Variants in AASS observed in about 807,000 individuals in gnomAD.
The protein encoded by AASS is aminoadipate-semialdehyde synthase.
A neutral mutation model predicts 105.4 loss-of-function variants in AASS; 86 were observed. The ratio of observed to expected loss-of-function variants is 0.82; its 90% CI spans 0.69 to 0.98. AASS has a LOEUF of 0.98. AASS is among the 50% of genes least tolerant of loss of function. The probability of loss-of-function intolerance (pLI) is 0.00; values close to 1 mark genes in which losing one functional copy is unlikely to be tolerated. For missense variants in AASS, 1,048 were observed against 1,143.2 expected, an observed-to-expected ratio of 0.92 and a Z score of 1.20; for synonymous variants, 381 against 394.8, an observed-to-expected ratio of 0.96 and a Z score of 0.41.
intron 19 of AASS, among the ~76,000 whole-genome samples, chr7:122,083,822 T>C (rs1218135642): frequency 6.6e-6 from 1 of 152,022 alleles, no homozygotes; most frequent in East Asian, 1.9e-4. Context: ...GGTCAAGGCC[T>C]CTCTGTCATA....
intron 21 of AASS, chr7:122,079,324 T>A: frequency 7.4e-7 from 1 of 1,358,902 alleles, no homozygotes; most frequent in Non-Finnish European, 9.5e-7. Flanking sequence ...CTACTCCAAA[T>A]CTCCTACAGG....
At chr7:122,083,711 G>C (rs59993706) in intron 19 of AASS, among the ~76,000 whole-genome samples, 33,934 of 151,906 alleles carry the variant, frequency 0.22, 4,021 homozygotes, top group African/African-American at 0.31. Context: ...GATGGGGCTG[G>C]GTGGTTCAAG....
At chr7:122,125,083 C>A (rs1795597310) in intron 4 of AASS, among the ~76,000 whole-genome samples, 1 of 151,914 alleles carries the variant, frequency 6.6e-6, no homozygotes, top group Admixed American at 6.6e-5. Flanking sequence ...CCACCAACGG[C>A]TAATTTTTGT....
chr7:122,078,020 A>G lies in AASS; in HGVS notation c.2486-6T>C. The G allele has an allele frequency of 6.8e-6, 11 of 1,613,374 alleles. No homozygotes were observed. The highest frequency in any genetic ancestry group is 8.5e-6 in the Non-Finnish European group (10 of 1,179,326). On this transcript the variant is annotated splice_region_variant and splice_polypyrimidine_tract_variant and intron_variant, in intron 22 of 23. Coordinates refer to ENST00000417368, the MANE Select transcript of AASS (RefSeq NM_005763.4). ...CATATCTTTTTCTTCAGGACCTTAAAACAAATAAAGATAAGTAAAAATACC... is the reference window on the plus strand; with the variant it reads ...CATATCTTTTTCTTCAGGACCTTAAGACAAATAAAGATAAGTAAAAATACC...
At chr7:122,122,358 C>A (rs978146783) in intron 4 of AASS, among the ~76,000 whole-genome samples, 7 of 152,156 alleles carry the variant, frequency 4.6e-5, no homozygotes, top group Middle Eastern at 3.4e-3. Context: ...TGAACAAATG[C>A]TCTAATACGT....
Position 122,130,788 on chromosome 7 carries a change from C to G in AASS, c.211-1251G>C, listed in dbSNP as rs1203543432. ...AATTTCTCCCTGGTTTCTTCAAAAA[C>G]AGTCCATTTTCTCATTTGTAGTAGA... On this transcript the variant is annotated intron_variant, in intron 2 of 23. Transcript: ENST00000417368. Among the ~76,000 whole-genome samples the G allele has an allele frequency of 5.3e-5, 8 of 151,928 alleles. No homozygotes were observed. In the East Asian group the frequency reaches 1.5e-3, roughly 29 times the overall value.
chr7:122,078,062 A>C, intron 22 of AASS, 48 bp from the exon 23 acceptor site: 14 of 1,565,034 alleles, frequency 8.9e-6, no homozygotes, highest in East Asian at 2.2e-5. Flanking sequence ...ATTACAACTC[A>C]AATATTGTCT....
At chr7:122,142,810 C>T (rs1044144013) in intron 1 of AASS, among the ~76,000 whole-genome samples, 1 of 152,110 alleles carries the variant, frequency 6.6e-6, no homozygotes, top group Non-Finnish European at 1.5e-5. Flanking sequence ...TAAATGGTGG[C>T]TTCTTAAACA....
chr7:122,080,041 C>T (rs1463714653), intron 20 of AASS, among the ~76,000 whole-genome samples: 1 of 152,114 alleles, frequency 6.6e-6, no homozygotes, highest in African/African-American at 2.4e-5. Flanking sequence ...ATCCATTCTC[C>T]CCCTACCCTC....
At chr7:122,128,206 A>G (rs1380221112) in intron 3 of AASS, among the ~76,000 whole-genome samples, 1 of 152,066 alleles carries the variant, frequency 6.6e-6, no homozygotes, top group Non-Finnish European at 1.5e-5. Context: ...GGCCACCATC[A>G]CTTGTGACTT....
chr7:122,092,032 T>C (rs920995190), intron 17 of AASS, among the ~76,000 whole-genome samples, 189 bp from the exon 18 acceptor site: 6 of 152,050 alleles, frequency 3.9e-5, no homozygotes, highest in African/African-American at 1.4e-4. Context: ...ATTTTATATA[T>C]ATGTTTTTTT....
At chr7:122,112,985 G>C in intron 11 of AASS, 133 bp downstream of exon 11, 1 of 751,006 alleles carries the variant, frequency 1.3e-6, no homozygotes, top group Non-Finnish European at 2.3e-6. Flanking sequence ...GTATCAGTAA[G>C]TATTTCAGGG....
chr7:122,129,631 T>A (rs1347844961), intron 2 of AASS, 94 bp from the exon 3 acceptor site: 13 of 1,148,238 alleles, frequency 1.1e-5, no homozygotes, highest in Non-Finnish European at 1.3e-6. Context: ...AACAAATCTT[T>A]TGAAGGAATA....
chr7:122,076,495 T>C lies in AASS; in HGVS notation c.2775A>G (p.Lys925=). 6.2e-7 allele frequency: 1 copy of C among 1,601,250 alleles called. No individual in the cohort carries two copies. The highest frequency in any genetic ancestry group is 8.6e-7 in the Non-Finnish European group (1 of 1,168,242). ...AACAAAATATAATTCCCAATTATGG[T>C]TTAATTGTACTCTGTGTAGTATATA... ...GIIYTTQSTI[K]P The change falls in exon 24 of 24, where the codon AAA becomes AAG. Residue 925 remains lysine, a synonymous_variant. Transcript: ENST00000417368.
At chr7:122,077,704 G>GC in intron 23 of AASS, 134 bp downstream of exon 23, 1 of 1,141,488 alleles carries the variant, frequency 8.8e-7, no homozygotes, top group Non-Finnish European at 1.3e-6. Context: ...GGCAGTCCGC[G>GC]CTTGGATCTT....
intron 1 of AASS, among the ~76,000 whole-genome samples, chr7:122,136,061 C>G (rs142873398): frequency 3.0e-4 from 45 of 152,224 alleles, no homozygotes; most frequent in African/African-American, 9.1e-4. Context: ...GTAAACTTGG[C>G]AGCAAAATAT....
intron 15 of AASS, among the ~76,000 whole-genome samples, chr7:122,097,648 A>G (rs943176926): frequency 6.6e-6 from 1 of 151,980 alleles, no homozygotes; most frequent in Non-Finnish European, 1.5e-5. Context: ...TAGATGTTAG[A>G]TCTGCATTTT....
chr7:122,124,700 T>C (rs1280205922), intron 4 of AASS, among the ~76,000 whole-genome samples: 2 of 152,190 alleles, frequency 1.3e-5, no homozygotes, highest in Admixed American at 6.5e-5. Flanking sequence ...CTTCTGAATA[T>C]GGTGACTTCT....
intron 19 of AASS, chr7:122,082,743 T>G: frequency 2.8e-6 from 3 of 1,065,344 alleles, no homozygotes; most frequent in South Asian, 2.6e-5. Flanking sequence ...GGTGCTAGGT[T>G]AGAGGAAAAC....
Sources: gnomAD v4.1 joint callset for allele counts (sites outside exome capture counted in the v4.1 genomes callset) on GRCh38, gnomAD v4.1.1 for gene constraint, MANE v1.5 for transcripts, NCBI Gene and HGNC (gene_info 2026-07-23, HGNC 2026-07-21) for gene names.